IQGAP1: variants seen among roughly 807,000 people sequenced by gnomAD.
The protein encoded by IQGAP1 is IQ motif containing GTPase activating protein 1.
Under a neutral mutation model 215.6 loss-of-function variants are expected in IQGAP1, and 66 were observed. The ratio of observed to expected loss-of-function variants is 0.31; its 90% CI spans 0.25 to 0.38. The LOEUF (loss-of-function observed/expected upper bound fraction) is 0.38. Among genes scored for constraint, IQGAP1 ranks in the 10% least tolerant of loss-of-function variants. The pLI is 1.00. For synonymous variants in IQGAP1, 772 were observed against 728.7 expected (o/e 1.06, Z -0.96); for missense variants, 1,712 against 1,997.1 (o/e 0.86, Z 2.72).
intron 5 of IQGAP1, among the ~76,000 whole-genome samples, chr15:90,435,239 G>C (rs113555946): frequency 0.02 from 3,040 of 152,286 alleles, 85 homozygotes; most frequent in African/African-American, 0.07. Context: ...TGCTTTGGGA[G>C]ACCAAGGTGG....
chr15:90,454,904 G>C (rs1304052092), intron 14 of IQGAP1, among the ~76,000 whole-genome samples: 1 of 152,234 alleles, frequency 6.6e-6, no homozygotes, highest in Non-Finnish European at 1.5e-5. Flanking sequence ...CAAGCTGAAA[G>C]CTGCAGGGTT....
In IQGAP1 at chr15:90,494,770, A is replaced by C; in HGVS notation, c.4686A>C (p.Lys1562Asn). Reference protein sequence around the residue: ...KGKKSKKISLKYTAARLHEKG... With the variant: ...KGKKSKKISLNYTAARLHEKG... ...AGAAAAGCAAAAAGATTTCTCTGAAATATACAGCAGCAAGACTACATGAAA... is the reference window on the plus strand; with the variant it reads ...AGAAAAGCAAAAAGATTTCTCTGAACTATACAGCAGCAAGACTACATGAAA... Residue 1562 changes from lysine to asparagine, a missense_variant, in exon 36 of 38, where the codon AAA becomes AAC. Lys to Asn is a moderately conservative substitution (Grantham distance 94). Coordinates refer to ENST00000268182, the MANE Select transcript of IQGAP1 (RefSeq NM_003870.4). 1 of 1,609,178 alleles carries C rather than the reference A, an allele frequency of 6.2e-7. No individual in the cohort carries two copies. Among genetic ancestry groups the C allele is most frequent in the Non-Finnish European group, 8.5e-7 (1 of 1,176,470 alleles).
chr15:90,398,054 T>C (rs565612453), intron 2 of IQGAP1, among the ~76,000 whole-genome samples: 16 of 151,744 alleles, frequency 1.1e-4, no homozygotes, highest in African/African-American at 3.9e-4. Flanking sequence ...CAGCTAATTT[T>C]TGTATTTTTT....
chr15:90,445,570 T>G (rs568150822), intron 9 of IQGAP1, among the ~76,000 whole-genome samples: 42 of 152,290 alleles, frequency 2.8e-4, no homozygotes, highest in Non-Finnish European at 5.3e-4. Flanking sequence ...AAAGTAGAGA[T>G]TACGTATTCT....
At chr15:90,485,190 A>C (rs192451218) in intron 30 of IQGAP1, among the ~76,000 whole-genome samples, 144 of 152,312 alleles carry the variant, frequency 9.5e-4, no homozygotes, top group African/African-American at 3.3e-3. Context: ...AATGTAAATG[A>C]AATTTCAGGT....
chr15:90,469,758 G>C (rs1028739319), intron 18 of IQGAP1, among the ~76,000 whole-genome samples: 1 of 152,168 alleles, frequency 6.6e-6, no homozygotes, highest in Non-Finnish European at 1.5e-5. Context: ...AGAAAAGGCT[G>C]TTCTAGACAG....
intron 29 of IQGAP1, among the ~76,000 whole-genome samples, chr15:90,483,828 T>C (rs1966090712): frequency 6.6e-6 from 1 of 152,226 alleles, no homozygotes; most frequent in South Asian, 2.1e-4. Flanking sequence ...AAAATAATGA[T>C]GATTATGCAT....
At chr15:90,492,744 C>A in intron 35 of IQGAP1, 33 bp downstream of exon 35, 1 of 1,577,606 alleles carries the variant, frequency 6.3e-7, no homozygotes, top group Non-Finnish European at 8.6e-7. Context: ...GAATCAATGT[C>A]AGAATTAGAG....
chr15:90,478,876 G>GT (rs1966016541), intron 26 of IQGAP1, among the ~76,000 whole-genome samples: 1 of 152,198 alleles, frequency 6.6e-6, no homozygotes, highest in East Asian at 1.9e-4. Context: ...TTAAATTAAC[G>GT]TATTACAGGA....
chr15:90,489,359 C>T (rs1232083043), intron 33 of IQGAP1, among the ~76,000 whole-genome samples: 3 of 152,060 alleles, frequency 2.0e-5, no homozygotes, highest in Non-Finnish European at 4.4e-5. Context: ...AACTCTTGAC[C>T]TCAAATGACC....
intron 9 of IQGAP1, 142 bp downstream of exon 9, chr15:90,443,620 A>G: frequency 3.5e-6 from 2 of 578,078 alleles, no homozygotes; most frequent in South Asian, 2.5e-5. Context: ...CTTGTTAACA[A>G]TCTTTTGTGT....
At chr15:90,475,273 A>G (rs1965962980) in intron 23 of IQGAP1, among the ~76,000 whole-genome samples, 1 of 152,024 alleles carries the variant, frequency 6.6e-6, no homozygotes. Flanking sequence ...TGCTGGGATT[A>G]CAGGCGTGAG....
chr15:90,483,445 G>A lies in IQGAP1; in HGVS notation c.3640G>A (p.Gly1214Arg), dbSNP rs1191887340. The change falls in exon 29 of 38, where the codon GGA becomes AGA. Residue 1214 changes from glycine (G) to arginine (R), a missense_variant. Around this residue, in one of 2 missense-constraint regions of IQGAP1, gnomAD observed 691 missense variants for 923.0 expected, o/e 0.75. Transcript: ENST00000268182. ...DAFDIIDLSAGGQLTTDQRRN... is the reference protein window; with the variant it reads ...DAFDIIDLSARGQLTTDQRRN... ...CTTTGACATCATTGACCTGTCAGCA[G>A]GAGGCCAGCTTACCACAGACCAACG... is the stretch of plus-strand genomic sequence containing the variant. 6.2e-7 allele frequency: 1 copy of A among 1,614,186 alleles called. No individual in the cohort carries two copies. The highest frequency in any genetic ancestry group is 2.2e-5 in the East Asian group (1 of 44,892).
At chr15:90,425,750 G>A (rs556312724) in intron 2 of IQGAP1, among the ~76,000 whole-genome samples, 1 of 152,208 alleles carries the variant, frequency 6.6e-6, no homozygotes, top group South Asian at 2.1e-4. Flanking sequence ...TGAAATGGTG[G>A]CTTCAGTTAC....
At chr15:90,419,941 T>C (rs1366650798) in intron 2 of IQGAP1, among the ~76,000 whole-genome samples, 1 of 152,224 alleles carries the variant, frequency 6.6e-6, no homozygotes, top group East Asian at 1.9e-4. Flanking sequence ...ACTGCTAATA[T>C]AATACCTGGT....
intron 33 of IQGAP1, among the ~76,000 whole-genome samples, chr15:90,488,555 C>T (rs2151038100): frequency 1.3e-5 from 2 of 152,092 alleles, no homozygotes; most frequent in East Asian, 3.9e-4. Flanking sequence ...ACTCAGTGAA[C>T]CCATGGTCTT....
chr15:90,482,007 A>T lies in IQGAP1; in HGVS notation c.3377A>T (p.Glu1126Val). 4 of 1,614,210 alleles carry T rather than the reference A, an allele frequency of 2.5e-6. No homozygotes were observed. Among genetic ancestry groups the T allele is most frequent in the Non-Finnish European group, 3.4e-6 (4 of 1,180,024 alleles). Residue 1126 changes from glutamate to valine, a missense_variant, in exon 27 of 38, where the codon GAA becomes GTA. Coordinates refer to ENST00000268182, the MANE Select transcript of IQGAP1 (RefSeq NM_003870.4). Reference sequence around the variant, plus strand: ...CCTGAGCAGGCGCTAGCTCATGAAGAAGTGAAGACACGGCTAGACAGCTCC... The same window carrying T: ...CCTGAGCAGGCGCTAGCTCATGAAGTAGTGAAGACACGGCTAGACAGCTCC... ...VTPEQALAHE[E>V]VKTRLDSSIR...
At position 90,388,459 on chromosome 15, in the gene IQGAP1, T is replaced by C. The variant is rs145816873; in HGVS notation, c.55+63T>C. ...GGGCTAATTGCAGACGAGGCGCGAT[T>C]TTCCTGGGGGCTCGGCCGGGCGGGT... On this transcript the variant is annotated intron_variant, in intron 1 of 37. Transcript: ENST00000268182. 6.7e-3 allele frequency: 9,613 copies of C among 1,428,360 alleles called. 386 individuals are homozygous for C. In the East Asian group the frequency reaches 0.12, roughly 18 times the overall value. 88.5% of individuals were successfully genotyped at this position (1,428,360 alleles called of 1,614,324 possible).
rs1384892043 is a variant in IQGAP1 at position 90,467,563 on chromosome 15, T to C, written c.2149T>C (p.Ser717Pro). The C allele has an allele frequency of 1.2e-6, 2 of 1,612,120 alleles. No individual in the cohort carries two copies. The highest frequency in any genetic ancestry group is 3.3e-5 in the Admixed American group (2 of 59,720). Reference protein sequence around the residue: ...WDEPPNFVQNSMQLSREEIQS... With the variant: ...WDEPPNFVQNPMQLSREEIQS... The stretch of plus-strand genomic sequence containing the variant: ...TGAACCTCCAAATTTTGTGCAAAAT[T>C]CTATGCAGCTTTCTCGGGAGGAGAT... The change falls in exon 18 of 38, where the codon TCT becomes CCT. Residue 717 changes from serine (S) to proline (P), a missense_variant. Physicochemically the swap from Ser to Pro is moderately conservative, Grantham distance 74 (BLOSUM62 -1). Transcript: ENST00000268182.
Sources: allele counts gnomAD v4.1 joint callset (sites outside exome capture counted in the v4.1 genomes callset), GRCh38; gene constraint gnomAD v4.1.1; regional missense constraint gnomAD v4.1.1; transcripts MANE v1.5; gene names NCBI Gene and HGNC (gene_info 2026-07-23, HGNC 2026-07-21).